The following SBF2 variants were observed in gnomAD, a reference collection of about 807,000 sequenced individuals.
SBF2 encodes myotubularin-related protein 13.
Under a neutral mutation model 225.2 loss-of-function variants are expected in SBF2, and 112 were observed. The observed-to-expected ratio is 0.50, with a 90% CI of 0.43 to 0.58. The LOEUF is 0.58. SBF2 is among the 20% of genes least tolerant of loss of function. The pLI, the probability that SBF2 is intolerant of heterozygous loss-of-function variation, is 0.00. For synonymous variants in SBF2, 763 were observed against 773.3 expected (o/e 0.99, Z 0.22); for missense variants, 1,996 against 2,206.2 (o/e 0.90, Z 1.91).
intron 2 of SBF2, among the ~76,000 whole-genome samples, chr11:10,179,447 T>C (rs1818347948): frequency 6.6e-6 from 1 of 152,078 alleles, no homozygotes; most frequent in Non-Finnish European, 1.5e-5. Flanking sequence ...ACCTAATGTA[T>C]GGCCTATCCT....
intron 1 of SBF2, among the ~76,000 whole-genome samples, chr11:10,288,664 G>A (rs372283876): frequency 5.9e-5 from 9 of 152,056 alleles, no homozygotes; most frequent in African/African-American, 2.2e-4. Flanking sequence ...GCAGAGAGGA[G>A]GCCCTACAGT....
intron 1 of SBF2, among the ~76,000 whole-genome samples, chr11:10,282,346 T>C (rs989795785): frequency 3.9e-5 from 6 of 152,182 alleles, no homozygotes; most frequent in Admixed American, 6.5e-5. Context: ...TTTTTCACTC[T>C]TGCACATTTC....
chr11:9,807,507 T>A lies in SBF2; in HGVS notation c.4443+493A>T, dbSNP rs545479757. On this transcript the variant is annotated intron_variant, in intron 32 of 39. Transcript: ENST00000256190. Reference sequence around the variant, plus strand: ...TGTATGGCTGCATAGTATTCCATGGTATATATGTACCACAGTTTCTCCATG... The same window carrying A: ...TGTATGGCTGCATAGTATTCCATGGAATATATGTACCACAGTTTCTCCATG... Among the ~76,000 whole-genome samples, 7 of 152,274 alleles carry A rather than the reference T, an allele frequency of 4.6e-5. No individual in the cohort carries two copies. The South Asian group carries it at 1.5e-3, about 32-fold the overall frequency.
chr11:10,098,697 A>G (rs1256935353), intron 2 of SBF2, among the ~76,000 whole-genome samples: 1 of 151,170 alleles, frequency 6.6e-6, no homozygotes, highest in African/African-American at 2.4e-5. Context: ...ACACACACAC[A>G]CACACACACA....
chr11:10,136,749 G>C (rs1954374898), intron 2 of SBF2, among the ~76,000 whole-genome samples: 1 of 152,232 alleles, frequency 6.6e-6, no homozygotes, highest in Non-Finnish European at 1.5e-5. Context: ...CCACAGAGAA[G>C]TGAAGAACTG....
At chr11:9,799,282 G>T (rs1853339739) in intron 32 of SBF2, among the ~76,000 whole-genome samples, 1 of 152,188 alleles carries the variant, frequency 6.6e-6, no homozygotes, top group African/African-American at 2.4e-5. Flanking sequence ...CTACAGTTAT[G>T]CTAGAAAGGT....
At chr11:9,886,636 G>A (rs1860329789) in intron 17 of SBF2, among the ~76,000 whole-genome samples, 1 of 150,450 alleles carries the variant, frequency 6.6e-6, no homozygotes, top group South Asian at 2.1e-4. Context: ...CTGGAGTGCA[G>A]TAGCACCATC....
At chr11:9,999,333 T>TATG (rs1947851356) in intron 8 of SBF2, among the ~76,000 whole-genome samples, 10 of 148,422 alleles carry the variant, frequency 6.7e-5, no homozygotes, top group Non-Finnish European at 1.2e-4. Context: ...ATGTATGTAT[T>TATG]TATTTTTGAG....
chr11:10,273,181 AC>A (rs1962673225), intron 1 of SBF2, among the ~76,000 whole-genome samples: 1 of 152,234 alleles, frequency 6.6e-6, no homozygotes, highest in Non-Finnish European at 1.5e-5. Flanking sequence ...TTATTTGATA[AC>A]TAATTATTCT....
chr11:10,289,943 C>T (rs1964057855), intron 1 of SBF2, among the ~76,000 whole-genome samples: 1 of 152,144 alleles, frequency 6.6e-6, no homozygotes, highest in East Asian at 1.9e-4. Flanking sequence ...GTACAGTCGG[C>T]TGCCTCAGGG....
intron 6 of SBF2, among the ~76,000 whole-genome samples, chr11:10,003,827 A>G (rs1054588492): frequency 2.0e-5 from 3 of 152,038 alleles, no homozygotes; most frequent in African/African-American, 7.3e-5. Context: ...TTGAAGTTAT[A>G]TATATCATTT....
In SBF2 at chr11:9,842,670, C is replaced by T; in HGVS notation, c.3211G>A (p.Glu1071Lys). The T allele has an allele frequency of 6.2e-7, 1 of 1,614,100 alleles. No homozygotes were observed. Among genetic ancestry groups the T allele is most frequent in the Non-Finnish European group, 8.5e-7 (1 of 1,179,972 alleles). Residue 1071 changes from glutamate (E) to lysine (K), a missense_variant, in exon 25 of 40, where the codon GAA becomes AAA. Coordinates refer to ENST00000256190, the MANE Select transcript of SBF2 (RefSeq NM_030962.4). ...TTCCATCCAGGACGATTTACTCTTT[C>T]TTCCACAATTGTCCCTGTCTTCTTC... is the stretch of plus-strand genomic sequence containing the variant. ...LKKKTGTIVEERVNRPGWNED... is the reference protein window; with the variant it reads ...LKKKTGTIVEKRVNRPGWNED...
Position 9,839,663 on chromosome 11 carries a change from G to T in SBF2, c.3290C>A (p.Thr1097Asn), listed in dbSNP as rs141894081. 8.1e-4 allele frequency: 1,313 copies of T among 1,614,142 alleles called. 3 individuals are homozygous for T. The highest frequency in any genetic ancestry group is 3.2e-3 in the Admixed American group (191 of 60,028). Residue 1097 changes from threonine to asparagine, a missense_variant, in exon 26 of 40, where the codon ACC (threonine) becomes AAC (asparagine). Coordinates refer to ENST00000256190, the MANE Select transcript of SBF2 (RefSeq NM_030962.4). ...TGTAGACTTCTCGGAGGCCTTCAGG[G>T]TGGTACTTGTGGGGAGCTCACTCTC... ...SDESELPTST[T>N]LKASEKSTME...
intron 2 of SBF2, among the ~76,000 whole-genome samples, chr11:10,097,850 G>A (rs1227393413): frequency 6.6e-6 from 1 of 152,128 alleles, no homozygotes; most frequent in Non-Finnish European, 1.5e-5. Flanking sequence ...AAAGCATAGT[G>A]AGTTCCTGTC....
chr11:9,904,827 C>T (rs926462482), intron 16 of SBF2, among the ~76,000 whole-genome samples: 6 of 152,104 alleles, frequency 3.9e-5, no homozygotes, highest in African/African-American at 1.4e-4. Context: ...GAGTTCAAGA[C>T]CAGCCTGAGT....
intron 4 of SBF2, among the ~76,000 whole-genome samples, chr11:10,030,384 A>C (rs1949209237): frequency 6.6e-6 from 1 of 152,188 alleles, no homozygotes; most frequent in African/African-American, 2.4e-5. Flanking sequence ...ATCTTTATGA[A>C]TCTTTCAGTA....
intron 2 of SBF2, among the ~76,000 whole-genome samples, chr11:10,061,392 A>T (rs949215568): frequency 6.6e-6 from 1 of 152,220 alleles, no homozygotes. Context: ...GGAAGAGAGG[A>T]AGTCAAACTA....
At chr11:9,824,065 T>G (rs1854925759) in intron 28 of SBF2, among the ~76,000 whole-genome samples, 1 of 152,196 alleles carries the variant, frequency 6.6e-6, no homozygotes, top group Non-Finnish European at 1.5e-5. Context: ...AGAAATAATA[T>G]TTATAGCCTC....
intron 2 of SBF2, among the ~76,000 whole-genome samples, chr11:10,080,248 C>CA (rs34181436): frequency 0.25 from 20,480 of 82,006 alleles, 2,307 homozygotes; most frequent in Non-Finnish European, 0.3. Context: ...AACTCTGTCT[C>CA]AAAAAAAAAA....
Sources: allele counts gnomAD v4.1 joint callset (sites outside exome capture counted in the v4.1 genomes callset), GRCh38; gene constraint gnomAD v4.1.1; transcripts MANE v1.5; gene names NCBI Gene and HGNC (gene_info 2026-07-23, HGNC 2026-07-21).